The following ZBBX variants were observed in gnomAD, a reference collection of about 807,000 sequenced individuals.
ZBBX encodes zinc finger B-box domain-containing protein 1.
In ZBBX, 101 loss-of-function variants were observed where a neutral mutation model predicts 108.5. The ratio of observed to expected loss-of-function variants is 0.93; its 90% CI spans 0.79 to 1.10. The LOEUF (loss-of-function observed/expected upper bound fraction) is 1.10, where lower values mean the gene tolerates loss of function less well. ZBBX is among the 50% of genes least tolerant of loss of function. ZBBX has a pLI of 0.00. For synonymous variants in ZBBX, 356 were observed against 323.4 expected (o/e 1.10, Z -1.08); for missense variants, 1,009 against 941.4 (o/e 1.07, Z -0.94).
At chr3:167,335,816 T>C (rs889157874) in intron 9 of ZBBX, among the ~76,000 whole-genome samples, 3 of 151,984 alleles carry the variant, frequency 2.0e-5, no homozygotes, top group Non-Finnish European at 4.4e-5. Context: ...CCTATGCATA[T>C]ATATTGCTGT....
intron 20 of ZBBX, among the ~76,000 whole-genome samples, chr3:167,244,908 G>C (rs1472135401): frequency 6.6e-6 from 1 of 152,018 alleles, no homozygotes; most frequent in Non-Finnish European, 1.5e-5. Flanking sequence ...AGAGTTCTAA[G>C]GTGCATTTCT....
At chr3:167,180,133 G>T in the ZBBX span, among the ~76,000 whole-genome samples, 1 of 152,044 alleles carries the variant, frequency 6.6e-6, no homozygotes, top group Admixed American at 6.6e-5. Flanking sequence ...TGAATGCTGG[G>T]TTGAAAAAAA....
intron 8 of ZBBX, 138 bp from the exon 9 acceptor site, chr3:167,350,653 G>A (rs1275922984): frequency 2.0e-6 from 1 of 499,824 alleles, no homozygotes; most frequent in Non-Finnish European, 3.3e-6. Flanking sequence ...TGAGAAGCCT[G>A]TCCCAGGCTT....
At chr3:167,276,544 A>T (rs1488163482) in intron 20 of ZBBX, among the ~76,000 whole-genome samples, 1 of 152,152 alleles carries the variant, frequency 6.6e-6, no homozygotes, top group Non-Finnish European at 1.5e-5. Context: ...AGTTTAGAGA[A>T]AAAAGAATAA....
the ZBBX span, among the ~76,000 whole-genome samples, chr3:167,180,655 G>A: frequency 6.6e-6 from 1 of 152,310 alleles, no homozygotes; most frequent in East Asian, 1.9e-4. Flanking sequence ...CTGGCAAATT[G>A]TTGAACTGTT....
At chr3:167,257,562 T>C (rs1281294361) in intron 20 of ZBBX, among the ~76,000 whole-genome samples, 1 of 152,166 alleles carries the variant, frequency 6.6e-6, no homozygotes, top group Non-Finnish European at 1.5e-5. Flanking sequence ...AGACCTTCTA[T>C]ACCCAGTTTT....
the ZBBX span, among the ~76,000 whole-genome samples, chr3:167,207,282 A>C: frequency 1.3e-5 from 2 of 152,232 alleles, no homozygotes; most frequent in Non-Finnish European, 2.9e-5. Flanking sequence ...AGAAACAAAT[A>C]ACCTGATTTA....
the ZBBX span, among the ~76,000 whole-genome samples, chr3:167,198,156 C>A: frequency 2.6e-5 from 4 of 151,528 alleles, no homozygotes; most frequent in East Asian, 1.9e-4. Flanking sequence ...CCATAATAAC[C>A]TTTCTCCAAG....
chr3:167,300,602 A>C (rs10936528), intron 17 of ZBBX, among the ~76,000 whole-genome samples: 125,938 of 149,770 alleles, frequency 0.84, 53,121 homozygotes, highest in African/African-American at 0.93. Context: ...CATCTCCCCC[A>C]CCAACCCTTT....
chr3:167,341,617 G>A (rs1212679813), intron 9 of ZBBX, among the ~76,000 whole-genome samples: 1 of 151,768 alleles, frequency 6.6e-6, no homozygotes, highest in Non-Finnish European at 1.5e-5. Context: ...AATAACATAA[G>A]AAACTCACAC....
At chr3:167,220,620 G>T in the ZBBX span, among the ~76,000 whole-genome samples, 1 of 151,930 alleles carries the variant, frequency 6.6e-6, no homozygotes, top group Non-Finnish European at 1.5e-5. Flanking sequence ...CAGACTCACA[G>T]CTGGTATCTA....
At chr3:167,402,468 T>C (rs1486862124) in intron 1 of ZBBX, among the ~76,000 whole-genome samples, 5 of 152,132 alleles carry the variant, frequency 3.3e-5, no homozygotes, top group African/African-American at 1.2e-4. Context: ...ACTTGAAATT[T>C]CTTGGCAAAA....
chr3:167,280,833 A>C (rs1728669690), intron 20 of ZBBX, among the ~76,000 whole-genome samples: 1 of 152,330 alleles, frequency 6.6e-6, no homozygotes, highest in South Asian at 2.1e-4. Flanking sequence ...TATTCACAAT[A>C]GCAAAGACTT....
intron 8 of ZBBX, among the ~76,000 whole-genome samples, chr3:167,359,613 T>C (rs1431528046): frequency 1.3e-5 from 2 of 152,060 alleles, no homozygotes; most frequent in Admixed American, 6.6e-5. Context: ...TAGGTATGAC[T>C]CAAAGGAGCG....
chr3:167,362,245 G>GGA (rs1173339018), intron 6 of ZBBX, among the ~76,000 whole-genome samples: 7 of 151,986 alleles, frequency 4.6e-5, no homozygotes, highest in Non-Finnish European at 8.8e-5. Flanking sequence ...CAAATGTCAG[G>GGA]AACTTAATAT....
intron 20 of ZBBX, among the ~76,000 whole-genome samples, chr3:167,273,499 G>A (rs73169142): frequency 0.057 from 8,683 of 152,210 alleles, 369 homozygotes; most frequent in Non-Finnish European, 0.081. Flanking sequence ...TTCAGCTTCG[G>A]TCTTCTGCTC....
intron 20 of ZBBX, among the ~76,000 whole-genome samples, chr3:167,281,967 C>T (rs1356577274): frequency 2.0e-5 from 3 of 152,074 alleles, no homozygotes; most frequent in Admixed American, 6.5e-5. Flanking sequence ...AGATTTTTTC[C>T]GTGCACATGA....
chr3:167,226,497 A>G, the ZBBX span, among the ~76,000 whole-genome samples: 1 of 151,770 alleles, frequency 6.6e-6, no homozygotes, highest in Admixed American at 6.6e-5. Flanking sequence ...GAACATTGTT[A>G]CCACTGTGAA....
chr3:167,395,233 T>A (rs1020108294), intron 1 of ZBBX, among the ~76,000 whole-genome samples: 1 of 152,074 alleles, frequency 6.6e-6, no homozygotes, highest in African/African-American at 2.4e-5. Context: ...TTTGGCTTTT[T>A]AAGAATGAGT....
Sources: allele counts gnomAD v4.1 joint callset (sites outside exome capture counted in the v4.1 genomes callset), GRCh38; gene constraint gnomAD v4.1.1; transcripts MANE v1.5; gene names NCBI Gene and HGNC (gene_info 2026-07-23, HGNC 2026-07-21).